FER: variants seen among roughly 807,000 people sequenced by gnomAD.
FER encodes tyrosine-protein kinase Fer.
FER carries 63 observed loss-of-function variants against 111.0 expected under a neutral mutation model. The observed-to-expected ratio is 0.57, with a 90% confidence interval of 0.46 to 0.70. FER has a LOEUF of 0.70. Among genes scored for constraint, FER ranks in the 30% least tolerant of loss-of-function variants. FER has a pLI of 0.00. For missense variants in FER, 914 were observed against 954.0 expected (o/e 0.96, Z 0.55); for synonymous variants, 327 against 313.9 (o/e 1.04, Z -0.44).
intron 10 of FER, among the ~76,000 whole-genome samples, chr5:108,917,885 C>A (rs536350589): frequency 6.6e-6 from 1 of 152,220 alleles, no homozygotes; most frequent in African/African-American, 2.4e-5. Flanking sequence ...ATAAGTAAAC[C>A]TCACATTGCA....
intron 13 of FER, among the ~76,000 whole-genome samples, chr5:109,029,220 C>CTTTTTTTTTTTT (rs558664340): frequency 9.1e-6 from 1 of 109,958 alleles, no homozygotes; most frequent in Non-Finnish European, 1.9e-5. Flanking sequence ...TTTAGGCTTT[C>CTTTTTTTTTTTT]TTTTTTTTTT....
At chr5:109,118,553 A>C (rs554984451) in intron 17 of FER, among the ~76,000 whole-genome samples, 1 of 151,934 alleles carries the variant, frequency 6.6e-6, no homozygotes, top group Non-Finnish European at 1.5e-5. Context: ...CTCTTTTTCT[A>C]TTGATTGGAA....
At chr5:109,038,218 G>T (rs1347142059) in intron 14 of FER, among the ~76,000 whole-genome samples, 1 of 151,592 alleles carries the variant, frequency 6.6e-6, no homozygotes, top group South Asian at 2.1e-4. Flanking sequence ...TCACTTTTTT[G>T]TCAGTGACTT....
intron 17 of FER, among the ~76,000 whole-genome samples, chr5:109,139,166 T>G (rs1423570747): frequency 6.6e-6 from 1 of 152,012 alleles, no homozygotes; most frequent in Non-Finnish European, 1.5e-5. Context: ...CGGAGCTAAG[T>G]GATTCAAGGA....
intron 13 of FER, among the ~76,000 whole-genome samples, chr5:108,981,848 C>T (rs975475400): frequency 4.6e-5 from 7 of 152,068 alleles, no homozygotes; most frequent in Non-Finnish European, 1.0e-4. Context: ...CAACATTATG[C>T]CATGCTGCCT....
chr5:108,886,409 CAT>C (rs1031700412), intron 9 of FER, among the ~76,000 whole-genome samples: 46 of 148,056 alleles, frequency 3.1e-4, no homozygotes, highest in African/African-American at 1.1e-3. Context: ...TATATTATAA[CAT>C]ATAAACATAT....
In FER at chr5:108,815,146, A is replaced by G. The variant is rs762265283; in HGVS notation, c.207+16757A>G. On this transcript the variant is annotated intron_variant, in intron 3 of 19. Transcript: ENST00000281092. ...CTATATATGGAATTTTAGGTTTCAC[A>G]GTATTTGCAATTACAAATAATGCTG... Among the ~76,000 whole-genome samples, 7 of 152,292 alleles carry G rather than the reference A, an allele frequency of 4.6e-5. No individual in the cohort carries two copies. In the East Asian group the frequency reaches 7.7e-4, roughly 17 times the overall value.
At chr5:108,914,957 A>G (rs367880943) in intron 10 of FER, among the ~76,000 whole-genome samples, 2 of 152,202 alleles carry the variant, frequency 1.3e-5, no homozygotes, top group East Asian at 3.9e-4. Flanking sequence ...TGGTGGCTAC[A>G]GGGTTTAGCA....
chr5:109,041,043 G>C (rs911204017), intron 14 of FER, among the ~76,000 whole-genome samples: 1 of 152,092 alleles, frequency 6.6e-6, no homozygotes, highest in African/African-American at 2.4e-5. Flanking sequence ...TTTGAGAAGA[G>C]AATAGAAGAG....
intron 13 of FER, among the ~76,000 whole-genome samples, chr5:109,018,177 C>T (rs1468351462): frequency 6.6e-6 from 1 of 151,716 alleles, no homozygotes; most frequent in Non-Finnish European, 1.5e-5. Context: ...GAGACTGAGA[C>T]AAACAGGCTG....
chr5:109,187,371 G>A, intron 19 of FER, 62 bp from the exon 20 acceptor site: 16 of 1,553,324 alleles, frequency 1.0e-5, no homozygotes, highest in Non-Finnish European at 1.4e-5. Flanking sequence ...ATAATGCCCT[G>A]TGTGAACATT....
chr5:108,965,387 G>A (rs780376080), intron 13 of FER, among the ~76,000 whole-genome samples: 2 of 152,000 alleles, frequency 1.3e-5, no homozygotes, highest in South Asian at 2.1e-4. Flanking sequence ...GCAAAATAGC[G>A]TATAGTTTTT....
At chr5:108,810,452 G>C (rs1370341632) in intron 3 of FER, among the ~76,000 whole-genome samples, 4 of 152,222 alleles carry the variant, frequency 2.6e-5, no homozygotes, top group Admixed American at 6.5e-5. Context: ...CCTACCTGTC[G>C]CCCAGTGGCA....
At chr5:108,904,483 A>G (rs1750469519) in intron 10 of FER, among the ~76,000 whole-genome samples, 1 of 152,208 alleles carries the variant, frequency 6.6e-6, no homozygotes, top group African/African-American at 2.4e-5. Flanking sequence ...GTAGCTGAAG[A>G]GAGAGAAAGT....
chr5:108,879,999 C>G lies in FER; in HGVS notation c.924-3397C>G, dbSNP rs538579411. 1.1e-3 allele frequency among the ~76,000 whole-genome samples: 172 copies of G among 152,120 alleles called. 1 individual carries two copies. Among genetic ancestry groups the G allele is most frequent in the African/African-American group, 3.8e-3 (157 of 41,494 alleles). On this transcript the variant is annotated intron_variant, in intron 8 of 19. Transcript: ENST00000281092. The stretch of plus-strand genomic sequence containing the variant: ...GTGCTGGGATTACAGATGTGAGCCA[C>G]TGCTCCTGGCCTCCCTGTATAATTT...
chr5:109,027,118 A>C (rs1207230598), intron 13 of FER, among the ~76,000 whole-genome samples: 1 of 151,994 alleles, frequency 6.6e-6, no homozygotes, highest in Non-Finnish European at 1.5e-5. Context: ...TTCTGATTTA[A>C]ATTTTGCCTT....
At chr5:108,813,145 C>A (rs1490541735) in intron 3 of FER, among the ~76,000 whole-genome samples, 1 of 151,912 alleles carries the variant, frequency 6.6e-6, no homozygotes, top group African/African-American at 2.4e-5. Context: ...GTAAAAATAT[C>A]TTTATGGTGT....
At chr5:109,019,402 A>C (rs1467067469) in intron 13 of FER, among the ~76,000 whole-genome samples, 3 of 151,806 alleles carry the variant, frequency 2.0e-5, no homozygotes, top group African/African-American at 7.3e-5. Flanking sequence ...TAAATGCAAA[A>C]GTATCATTGT....
At chr5:108,857,375 A>C (rs1310146226) in intron 5 of FER, among the ~76,000 whole-genome samples, 1 of 152,064 alleles carries the variant, frequency 6.6e-6, no homozygotes, top group Non-Finnish European at 1.5e-5. Flanking sequence ...CATAGAAATG[A>C]TGTTCTGTTG....
Sources: allele counts gnomAD v4.1 joint callset (sites outside exome capture counted in the v4.1 genomes callset), GRCh38; gene constraint gnomAD v4.1.1; transcripts MANE v1.5; gene names NCBI Gene and HGNC (gene_info 2026-07-23, HGNC 2026-07-21).